Variants in SLC35F3 observed in about 807,000 individuals in gnomAD.
SLC35F3 encodes the protein solute carrier family 35 member F3.
Under a neutral mutation model 49.9 loss-of-function variants are expected in SLC35F3, and 25 were observed. The ratio of observed to expected loss-of-function variants is 0.50; its 90% CI spans 0.37 to 0.70. SLC35F3 has a LOEUF of 0.70. SLC35F3 is among the 30% of genes least tolerant of loss of function. SLC35F3 has a pLI of 0.00. For synonymous variants in SLC35F3, 275 were observed against 265.4 expected (o/e 1.04, Z -0.35); for missense variants, 525 against 639.8 (o/e 0.82, Z 1.94).
intron 2 of SLC35F3, among the ~76,000 whole-genome samples, chr1:234,113,208 C>A (rs1236488949): frequency 6.6e-6 from 1 of 152,212 alleles, no homozygotes; most frequent in Non-Finnish European, 1.5e-5. Context: ...CAACCACAGA[C>A]TAAATTGCCA....
At chr1:234,318,469 G>A (rs1164854954) in intron 5 of SLC35F3, among the ~76,000 whole-genome samples, 4 of 152,210 alleles carry the variant, frequency 2.6e-5, no homozygotes, top group Non-Finnish European at 4.4e-5. Context: ...TTTTAGTGAT[G>A]TAGTGTCAGG....
In SLC35F3 at chr1:234,190,166, C is replaced by A. The variant is rs192216299; in HGVS notation, c.284-41251C>A. Among the ~76,000 whole-genome samples, 428 of 152,150 alleles carry A rather than the reference C, an allele frequency of 2.8e-3. 3 individuals carry two copies. Among genetic ancestry groups the A allele is most frequent in the Non-Finnish European group, 3.8e-3 (258 of 67,986 alleles). ...TACAACAAAAACACACACAAAAAAA[C>A]CGAGGTATTCAAGCAACAAATAGCA... On this transcript the variant is annotated intron_variant, in intron 2 of 7. Transcript: ENST00000366618.
chr1:234,264,088 G>A (rs1388792601), intron 3 of SLC35F3, among the ~76,000 whole-genome samples: 4 of 152,150 alleles, frequency 2.6e-5, no homozygotes, highest in Non-Finnish European at 2.9e-5. Context: ...CAGCCTGGGC[G>A]ACAGAGCAAA....
chr1:234,318,980 C>A, intron 6 of SLC35F3, 37 bp downstream of exon 6: 10 of 1,567,604 alleles, frequency 6.4e-6, no homozygotes, highest in Non-Finnish European at 7.9e-6. Flanking sequence ...TCCCAGAAAG[C>A]AACCACCCAC....
chr1:234,117,721 C>A (rs1308294343), intron 2 of SLC35F3, among the ~76,000 whole-genome samples: 1 of 151,372 alleles, frequency 6.6e-6, no homozygotes, highest in Non-Finnish European at 1.5e-5. Flanking sequence ...CCCGTCTCTA[C>A]TAAAATTACA....
intron 2 of SLC35F3, among the ~76,000 whole-genome samples, chr1:234,112,620 A>G (rs1292595873): frequency 7.6e-6 from 1 of 131,168 alleles, no homozygotes; most frequent in Non-Finnish European, 1.5e-5. Context: ...CAGTGCCGCT[A>G]TCTCGGCTCG....
chr1:234,095,160 A>T (rs911952517), intron 2 of SLC35F3, among the ~76,000 whole-genome samples: 3 of 152,170 alleles, frequency 2.0e-5, no homozygotes, highest in African/African-American at 7.2e-5. Context: ...ACTCCCAGAG[A>T]AGAAGAGAGA....
At chr1:234,273,796 G>T (rs1376859719) in intron 3 of SLC35F3, among the ~76,000 whole-genome samples, 2 of 152,104 alleles carry the variant, frequency 1.3e-5, no homozygotes, top group African/African-American at 4.8e-5. Context: ...ATACTTGAGG[G>T]CTTGGGAGGA....
chr1:234,300,767 G>A (rs926787985), intron 3 of SLC35F3, among the ~76,000 whole-genome samples: 2 of 152,226 alleles, frequency 1.3e-5, no homozygotes, highest in African/African-American at 4.8e-5. Context: ...CCAGGGAAGA[G>A]GAGGATCTCT....
chr1:234,287,410 G>A (rs564347791), intron 3 of SLC35F3, among the ~76,000 whole-genome samples: 2 of 151,966 alleles, frequency 1.3e-5, no homozygotes, highest in East Asian at 1.9e-4. Context: ...GTTCCACAAC[G>A]GCCCACCACC....
chr1:234,126,348 G>A (rs967096092), intron 2 of SLC35F3, among the ~76,000 whole-genome samples: 8 of 152,126 alleles, frequency 5.3e-5, no homozygotes, highest in Non-Finnish European at 1.2e-4. Context: ...TGTTGTAAGA[G>A]GTAATACAGA....
At chr1:234,069,775 A>G (rs951520933) in intron 2 of SLC35F3, among the ~76,000 whole-genome samples, 16 of 152,062 alleles carry the variant, frequency 1.1e-4, no homozygotes, top group Non-Finnish European at 1.9e-4. Flanking sequence ...TTTGCCTGCC[A>G]TTTCTGTTGC....
chr1:234,273,394 ACCC>A (rs896717480), intron 3 of SLC35F3, among the ~76,000 whole-genome samples: 9 of 151,626 alleles, frequency 5.9e-5, no homozygotes, highest in African/African-American at 2.2e-4. Context: ...AGCCCAGGCA[ACCC>A]CCCTCCCACG....
intron 2 of SLC35F3, among the ~76,000 whole-genome samples, chr1:234,021,071 A>G (rs902694707): frequency 5.9e-5 from 9 of 152,188 alleles, no homozygotes; most frequent in African/African-American, 1.9e-4. Context: ...AGGCTCAGGA[A>G]GCCCCCATGA....
At chr1:234,016,574 C>T (rs1215730507) in intron 2 of SLC35F3, among the ~76,000 whole-genome samples, 1 of 152,168 alleles carries the variant, frequency 6.6e-6, no homozygotes, top group Admixed American at 6.5e-5. Flanking sequence ...TGACCTCATA[C>T]TTCTGTGTGG....
chr1:234,312,347 C>T (rs79821085), intron 4 of SLC35F3, among the ~76,000 whole-genome samples: 5,148 of 152,308 alleles, frequency 0.034, 107 homozygotes, highest in Middle Eastern at 0.12. Context: ...ATGGGGTCCT[C>T]AAACCCCAGC....
chr1:233,921,760 G>A (rs577022671), intron 2 of SLC35F3, among the ~76,000 whole-genome samples: 62 of 151,774 alleles, frequency 4.1e-4, no homozygotes, highest in African/African-American at 1.2e-3. Context: ...CCATTAACCC[G>A]TCATTTACAT....
chr1:234,076,774 T>G (rs1436168702), intron 2 of SLC35F3, among the ~76,000 whole-genome samples: 1 of 151,686 alleles, frequency 6.6e-6, no homozygotes, highest in Non-Finnish European at 1.5e-5. Flanking sequence ...ATAATAATAT[T>G]AATTAAAAGA....
At chr1:234,133,935 A>G (rs562944110) in intron 2 of SLC35F3, among the ~76,000 whole-genome samples, 95 of 152,312 alleles carry the variant, frequency 6.2e-4, no homozygotes, top group African/African-American at 2.2e-3. Flanking sequence ...GAAGAGGTGG[A>G]TGAATATGTG....
Sources: gnomAD v4.1 joint callset for allele counts (sites outside exome capture counted in the v4.1 genomes callset) on GRCh38, gnomAD v4.1.1 for gene constraint, MANE v1.5 for transcripts, NCBI Gene and HGNC (gene_info 2026-07-23, HGNC 2026-07-21) for gene names.